Variants in AASS observed in about 807,000 individuals in gnomAD.
AASS encodes alpha-aminoadipic semialdehyde synthase, mitochondrial.
AASS carries 86 observed loss-of-function variants against 105.4 expected under a neutral mutation model. The observed-to-expected ratio is 0.82, with a 90% CI of 0.69 to 0.98. The LOEUF (loss-of-function observed/expected upper bound fraction) is 0.98. AASS is among the 50% of genes least tolerant of loss of function. The pLI is 0.00. For synonymous variants in AASS, 381 were observed against 394.8 expected (o/e 0.96, Z 0.41); for missense variants, 1,048 against 1,143.2 (o/e 0.92, Z 1.20).
chr7:122,126,341 A>C, intron 4 of AASS, 34 bp downstream of exon 4: 1 of 1,584,750 alleles, frequency 6.3e-7, no homozygotes, highest in African/African-American at 1.3e-5. Context: ...AAGCCAATTT[A>C]GGAAGTGGGT....
At position 122,133,761 on chromosome 7, in the gene AASS, A is replaced by G; in HGVS notation, c.-15-20T>C. 2 of 1,607,296 alleles carry G rather than the reference A, an allele frequency of 1.2e-6. No individual in the cohort carries two copies. Among genetic ancestry groups the G allele is most frequent in the Non-Finnish European group, 1.7e-6 (2 of 1,174,568 alleles). The stretch of plus-strand genomic sequence containing the variant: ...TGGTGACTGTAAAGACAATGTAAAG[A>G]GCAGAGCAACAAAAGGCAGCAAGGC... On this transcript the variant is annotated intron_variant, in intron 1 of 23. Transcript: ENST00000417368.
chr7:122,133,397 T>C, intron 2 of AASS, 120 bp downstream of exon 2: 3 of 1,148,704 alleles, frequency 2.6e-6, no homozygotes, highest in Non-Finnish European at 3.8e-6. Context: ...AAATAATACT[T>C]TTAATCAAAG....
chr7:122,109,826 A>C (rs1173855395), intron 11 of AASS, among the ~76,000 whole-genome samples: 2 of 152,104 alleles, frequency 1.3e-5, no homozygotes, highest in African/African-American at 4.8e-5. Flanking sequence ...CAAACTAAAA[A>C]GCTTCTGCAC....
In AASS at chr7:122,086,078, C is replaced by T. The variant is rs149674194; in HGVS notation, c.2118G>A (p.Thr706=). The T allele has an allele frequency of 7.0e-5, 113 of 1,613,554 alleles. No homozygotes were observed. Among genetic ancestry groups the T allele is most frequent in the Admixed American group, 2.0e-4 (12 of 59,896 alleles). The change falls in exon 19 of 24, where the codon ACG becomes ACA. Residue 706 remains threonine, a synonymous_variant. Transcript: ENST00000417368. ...NLEGYPNRDS[T]KYAEIYGISS... ...AAATGCCATAAATCTCAGCATATTT[C>T]GTACTGTCTCTGTTAGGATAGCCTT...
At chr7:122,086,826 A>G (rs1265801691) in intron 18 of AASS, among the ~76,000 whole-genome samples, 1 of 152,178 alleles carries the variant, frequency 6.6e-6, no homozygotes, top group Non-Finnish European at 1.5e-5. Context: ...CAAATTGTGA[A>G]GGGAATAACA....
intron 4 of AASS, among the ~76,000 whole-genome samples, chr7:122,120,654 A>G (rs1038314745): frequency 1.3e-5 from 2 of 152,088 alleles, no homozygotes; most frequent in South Asian, 2.1e-4. Context: ...ACAAATTATT[A>G]ATTTAAAAAC....
Position 122,098,523 on chromosome 7 carries a change from G to C in AASS, c.1582C>G (p.Pro528Ala). The C allele has an allele frequency of 6.2e-7, 1 of 1,610,836 alleles. No homozygotes were observed. The highest frequency in any genetic ancestry group is 8.5e-7 in the Non-Finnish European group (1 of 1,177,908). ...EQLGKKYNIN[P>A]VSMDICKQEE... ...TGTTTACAAATGTCCATGCTAACAG[G>C]ATTAATATTATATTTCTTGCCTAAC... The change falls in exon 15 of 24, where the codon CCT becomes GCT. Residue 528 changes from proline to alanine, a missense_variant. Pro to Ala is a conservative substitution (Grantham distance 27). Transcript: ENST00000417368.
At chr7:122,084,737 G>A (rs1410469057) in intron 19 of AASS, among the ~76,000 whole-genome samples, 1 of 152,038 alleles carries the variant, frequency 6.6e-6, no homozygotes, top group Non-Finnish European at 1.5e-5. Flanking sequence ...CGACAGAAAA[G>A]CAGGCACAAG....
At chr7:122,092,614 C>T (rs1353575289) in intron 17 of AASS, among the ~76,000 whole-genome samples, 1 of 151,936 alleles carries the variant, frequency 6.6e-6, no homozygotes, top group South Asian at 2.1e-4. Context: ...ATCCCAGCTA[C>T]TTGGGAGGCT....
At chr7:122,099,819 T>C (rs1794342273) in intron 13 of AASS, among the ~76,000 whole-genome samples, 1 of 151,878 alleles carries the variant, frequency 6.6e-6, no homozygotes, top group African/African-American at 2.4e-5. Context: ...TCCTTCTGTA[T>C]CCCAACACAC....
chr7:122,122,580 T>C (rs1459712633), intron 4 of AASS, among the ~76,000 whole-genome samples: 2 of 152,084 alleles, frequency 1.3e-5, no homozygotes, highest in East Asian at 3.8e-4. Flanking sequence ...CTGGAGATAA[T>C]CAACAACGGA....
intron 15 of AASS, among the ~76,000 whole-genome samples, chr7:122,097,887 C>G (rs1040464618): frequency 2.6e-5 from 4 of 151,882 alleles, no homozygotes; most frequent in Non-Finnish European, 4.4e-5. Flanking sequence ...AAGACAAATA[C>G]CGAAATGTGT....
chr7:122,102,581 G>T (rs1794481825), intron 11 of AASS, among the ~76,000 whole-genome samples: 2 of 151,946 alleles, frequency 1.3e-5, no homozygotes, highest in South Asian at 2.1e-4. Flanking sequence ...TGGTAACAGA[G>T]AATTTATTTA....
intron 20 of AASS, among the ~76,000 whole-genome samples, chr7:122,081,150 G>A (rs1414696351): frequency 6.6e-6 from 1 of 152,132 alleles, no homozygotes; most frequent in East Asian, 1.9e-4. Context: ...AACTCTCCTG[G>A]ATTCTCACTT....
At chr7:122,092,628 G>A (rs190448549) in intron 17 of AASS, among the ~76,000 whole-genome samples, 4 of 152,162 alleles carry the variant, frequency 2.6e-5, no homozygotes, top group Non-Finnish European at 4.4e-5. Flanking sequence ...GGAGGCTGAA[G>A]CAGGAGTATT....
At position 122,098,761 on chromosome 7, in the gene AASS, A is replaced by T. The variant is rs1469857658; in HGVS notation, c.1512T>A (p.Asn504Lys). The change falls in exon 14 of 24, where the codon AAT (asparagine) becomes AAA (lysine). Residue 504 changes from asparagine (N) to lysine (K), a missense_variant. Coordinates refer to ENST00000417368, the MANE Select transcript of AASS (RefSeq NM_005763.4). ...PVLEYLSRDG[N>K]IEITVGSDMK... ...CTTATTTACCTACTGTTATTTCTAT[A>T]TTGCCATCTCTTGATAAATATTCTA... 2 of 1,605,762 alleles carry T rather than the reference A, an allele frequency of 1.2e-6. No individual in the cohort carries two copies. Among genetic ancestry groups the T allele is most frequent in the South Asian group, 2.2e-5 (2 of 89,994 alleles).
At position 122,081,503 on chromosome 7, in the gene AASS, G is replaced by A. The variant is rs369222602; in HGVS notation, c.2277C>T (p.Thr759=). The part of the protein sequence containing the change: ...PAFRPEANPL[T]WKQLLCDLVG... ...AACGTAATTCGGAGTCACTCACCCA[G>A]GTGAGAGGGTTGGCCTCAGGTCTAA... The change falls in exon 20 of 24, where the codon ACC becomes ACT. Residue 759 remains threonine, a synonymous_variant. Coordinates refer to ENST00000417368, the MANE Select transcript of AASS (RefSeq NM_005763.4). The A allele has an allele frequency of 6.2e-6, 10 of 1,612,526 alleles. No homozygotes were observed. Among genetic ancestry groups the A allele is most frequent in the Non-Finnish European group, 7.6e-6 (9 of 1,178,554 alleles).
At chr7:122,118,715 T>C in intron 4 of AASS, 85 bp from the exon 5 acceptor site, 6 of 1,298,016 alleles carry the variant, frequency 4.6e-6, no homozygotes, top group African/African-American at 1.5e-5. Context: ...ATCTGCATGG[T>C]GCCCTGCAGA....
chr7:122,076,524 T>A lies in AASS; in HGVS notation c.2746A>T (p.Ile916Phe). ...ATTGTACTCTGTGTAGTATATATAA[T>A]GCCTTCTGCTTTAATTCGCTCCAAT... ...PILERIKAEG[I>F]IYTTQSTIKP The change falls in exon 24 of 24, where the codon ATT becomes TTT. Residue 916 changes from isoleucine to phenylalanine, a missense_variant. Coordinates refer to ENST00000417368, the MANE Select transcript of AASS (RefSeq NM_005763.4). The A allele has an allele frequency of 6.2e-7, 1 of 1,613,890 alleles. No individual in the cohort carries two copies. The highest frequency in any genetic ancestry group is 1.1e-5 in the South Asian group (1 of 91,070).
Sources: gnomAD v4.1 joint callset for allele counts (sites outside exome capture counted in the v4.1 genomes callset) on GRCh38, gnomAD v4.1.1 for gene constraint, MANE v1.5 for transcripts, NCBI Gene and HGNC (gene_info 2026-07-23, HGNC 2026-07-21) for gene names.